GBE1: variants seen among roughly 807,000 people sequenced by gnomAD.
GBE1 encodes the protein 1,4-alpha-glucan branching enzyme 1.
Under a neutral mutation model 88.8 loss-of-function variants are expected in GBE1, and 70 were observed. The observed-to-expected ratio is 0.79, with a 90% CI of 0.65 to 0.96. The LOEUF is 0.96. Ranked by LOEUF, GBE1 falls within the 40% of genes least tolerant of loss-of-function variation. The pLI is 0.00. For missense variants in GBE1, 872 were observed against 871.0 expected, an observed-to-expected ratio of 1.00 and a Z score of -0.01; for synonymous variants, 284 against 300.1, an observed-to-expected ratio of 0.95 and a Z score of 0.56.
intron 3 of GBE1, among the ~76,000 whole-genome samples, chr3:81,651,786 A>G (rs2107078934): frequency 6.6e-6 from 1 of 152,310 alleles, no homozygotes; most frequent in South Asian, 2.1e-4. Context: ...CCCATCATAA[A>G]CTAATAATAA....
intron 3 of GBE1, among the ~76,000 whole-genome samples, chr3:81,655,876 T>C (rs1165020232): frequency 1.3e-5 from 2 of 152,072 alleles, no homozygotes; most frequent in Non-Finnish European, 2.9e-5. Context: ...TTAAAATGCA[T>C]AGATAGAATT....
intron 14 of GBE1, among the ~76,000 whole-genome samples, chr3:81,516,419 G>T (rs560447929): frequency 1.3e-4 from 19 of 151,552 alleles, no homozygotes; most frequent in African/African-American, 4.1e-4. Context: ...TCAGAAAAAA[G>T]ATTCCTTTCA....
At chr3:81,558,786 C>T (rs2106906356) in intron 12 of GBE1, among the ~76,000 whole-genome samples, 1 of 151,922 alleles carries the variant, frequency 6.6e-6, no homozygotes, top group South Asian at 2.1e-4. Context: ...TATATTAGAC[C>T]TTTTTATATT....
At chr3:81,760,746 G>T (rs189297604) in intron 1 of GBE1, among the ~76,000 whole-genome samples, 1 of 152,146 alleles carries the variant, frequency 6.6e-6, no homozygotes, top group South Asian at 2.1e-4. Context: ...TCTTCAAGAT[G>T]GTTAAAGTCA....
rs1705366733 is a variant in GBE1, at chr3:81,682,630, T to G, written c.314-11677A>C. 2.0e-5 allele frequency among the ~76,000 whole-genome samples: 3 copies of G among 151,788 alleles called. No individual in the cohort carries two copies. The South Asian group carries it at 6.2e-4, about 32-fold the overall frequency. On this transcript the variant is annotated intron_variant, in intron 2 of 15. Transcript: ENST00000429644. ...AAGTGTTAGCAAAGATATGGAAAAA[T>G]TTCAAACCTTATATACTACTGGTGG...
At chr3:81,654,812 G>T (rs961542919) in intron 3 of GBE1, 1 of 151,984 alleles carries the variant, frequency 6.6e-6, no homozygotes, top group Non-Finnish European at 1.5e-5. Flanking sequence ...CAGCTTTATT[G>T]AGTTATAATT....
chr3:81,636,263 TCTC>T (rs548561586), intron 7 of GBE1, among the ~76,000 whole-genome samples: 1 of 152,266 alleles, frequency 6.6e-6, no homozygotes, highest in South Asian at 2.1e-4. Flanking sequence ...ATTTAACTGT[TCTC>T]CTTAATCAAG....
intron 2 of GBE1, among the ~76,000 whole-genome samples, chr3:81,704,414 T>C (rs1321855539): frequency 6.6e-6 from 1 of 151,990 alleles, no homozygotes; most frequent in Non-Finnish European, 1.5e-5. Context: ...TACAATCAGG[T>C]AACCAGCACC....
rs1461029022 is a variant in GBE1 at position 81,568,263 on chromosome 3, T to G, written c.1618+9662A>C. On this transcript the variant is annotated intron_variant, in intron 12 of 15. Coordinates refer to ENST00000429644, the MANE Select transcript of GBE1 (RefSeq NM_000158.4). ...CCCGGGTTCAAGTGATTCTACTGCC[T>G]CAGCCTCCCAAGTAGCTGAGACTAC... Among the ~76,000 whole-genome samples the G allele has an allele frequency of 2.0e-5, 3 of 152,074 alleles. No homozygotes were observed. The East Asian group carries it at 5.8e-4, about 29-fold the overall frequency.
At chr3:81,614,703 C>T (rs1238972723) in intron 7 of GBE1, among the ~76,000 whole-genome samples, 1 of 151,896 alleles carries the variant, frequency 6.6e-6, no homozygotes, top group African/African-American at 2.4e-5. Flanking sequence ...ACTAAAGATA[C>T]AAAAAATTAG....
intron 1 of GBE1, among the ~76,000 whole-genome samples, chr3:81,739,854 T>C (rs1706321321): frequency 6.6e-6 from 1 of 152,178 alleles, no homozygotes; most frequent in African/African-American, 2.4e-5. Flanking sequence ...AAAACACATA[T>C]CCAAACATTA....
intron 3 of GBE1, among the ~76,000 whole-genome samples, chr3:81,663,716 G>A (rs1333799447): frequency 6.6e-6 from 1 of 152,102 alleles, no homozygotes; most frequent in Non-Finnish European, 1.5e-5. Flanking sequence ...GGTAGCACAC[G>A]CCCACTGGGG....
intron 15 of GBE1, among the ~76,000 whole-genome samples, chr3:81,496,906 G>A (rs952795150): frequency 7.2e-5 from 11 of 152,148 alleles, no homozygotes; most frequent in African/African-American, 2.4e-4. Flanking sequence ...AAAACAAGAT[G>A]TTGCTGCTGG....
chr3:81,725,452 A>G (rs771193491), intron 1 of GBE1, among the ~76,000 whole-genome samples: 2 of 152,200 alleles, frequency 1.3e-5, no homozygotes, highest in Non-Finnish European at 2.9e-5. Context: ...GTCATCTCCT[A>G]TGATAACAAT....
chr3:81,602,184 T>C (rs981384916), intron 7 of GBE1, among the ~76,000 whole-genome samples: 2 of 152,184 alleles, frequency 1.3e-5, no homozygotes, highest in African/African-American at 4.8e-5. Flanking sequence ...TTCAAAGTTA[T>C]TGGAAATCAT....
chr3:81,552,872 G>A (rs957919761), intron 12 of GBE1, among the ~76,000 whole-genome samples: 2 of 152,064 alleles, frequency 1.3e-5, no homozygotes, highest in Non-Finnish European at 2.9e-5. Flanking sequence ...ATTATTAACA[G>A]TTACTTTAAA....
chr3:81,568,645 G>A (rs1703529935), intron 12 of GBE1, among the ~76,000 whole-genome samples: 1 of 152,112 alleles, frequency 6.6e-6, no homozygotes, highest in South Asian at 2.1e-4. Flanking sequence ...CTGAGTTAAT[G>A]AATGAGTGAA....
At chr3:81,751,494 T>C (rs149859014) in intron 1 of GBE1, among the ~76,000 whole-genome samples, 73 of 152,294 alleles carry the variant, frequency 4.8e-4, no homozygotes, top group African/African-American at 1.7e-3. Context: ...AAGAACCAGT[T>C]GAAGTTTACA....
intron 1 of GBE1, among the ~76,000 whole-genome samples, chr3:81,751,893 G>T (rs1172531703): frequency 2.6e-5 from 4 of 152,170 alleles, no homozygotes; most frequent in Non-Finnish European, 5.9e-5. Flanking sequence ...TAATGGAAAT[G>T]AAAACAGATT....
Sources: allele counts gnomAD v4.1 joint callset (sites outside exome capture counted in the v4.1 genomes callset), GRCh38; gene constraint gnomAD v4.1.1; transcripts MANE v1.5; gene names NCBI Gene and HGNC (gene_info 2026-07-23, HGNC 2026-07-21).